PPP1R9A: variants seen among roughly 807,000 people sequenced by gnomAD.
PPP1R9A encodes neurabin-1.
A neutral mutation model predicts 141.9 loss-of-function variants in PPP1R9A; 59 were observed. The ratio of observed to expected loss-of-function variants is 0.42; its 90% CI spans 0.34 to 0.52. The LOEUF (loss-of-function observed/expected upper bound fraction) is 0.52, where lower values mean the gene tolerates loss of function less well. PPP1R9A is among the 20% of genes least tolerant of loss of function. The pLI, the probability that PPP1R9A is intolerant of heterozygous loss-of-function variation, is 0.10. For missense variants in PPP1R9A, 1,444 were observed against 1,611.9 expected (o/e 0.90, Z 1.78); for synonymous variants, 500 against 569.7 (o/e 0.88, Z 1.74).
At chr7:95,020,866 G>A (rs1382022468) in intron 2 of PPP1R9A, among the ~76,000 whole-genome samples, 2 of 152,130 alleles carry the variant, frequency 1.3e-5, no homozygotes, top group Non-Finnish European at 2.9e-5. Context: ...TCTTTATCCA[G>A]TCTGTCATTG....
At chr7:95,256,401 A>G (rs966265716) in intron 12 of PPP1R9A, among the ~76,000 whole-genome samples, 2 of 152,146 alleles carry the variant, frequency 1.3e-5, no homozygotes, top group African/African-American at 4.8e-5. Context: ...GAAGACAAAC[A>G]TTTAATGAAG....
intron 2 of PPP1R9A, among the ~76,000 whole-genome samples, chr7:95,035,233 A>G (rs1483150807): frequency 2.6e-5 from 4 of 152,220 alleles, no homozygotes; most frequent in Non-Finnish European, 5.9e-5. Context: ...GCTGAGCTTC[A>G]ATTAATGATT....
At chr7:95,034,843 T>A (rs1298795376) in intron 2 of PPP1R9A, among the ~76,000 whole-genome samples, 1 of 152,214 alleles carries the variant, frequency 6.6e-6, no homozygotes, top group African/African-American at 2.4e-5. Flanking sequence ...CTTGCCTATA[T>A]TTTTGTTTAA....
intron 2 of PPP1R9A, among the ~76,000 whole-genome samples, chr7:94,996,086 A>G (rs967901521): frequency 1.3e-5 from 2 of 152,174 alleles, no homozygotes; most frequent in African/African-American, 4.8e-5. Context: ...ATAAATTACA[A>G]TGTTTTCCAG....
intron 4 of PPP1R9A, among the ~76,000 whole-genome samples, chr7:95,122,771 C>T (rs984264971): frequency 6.6e-6 from 1 of 152,078 alleles, no homozygotes; most frequent in Non-Finnish European, 1.5e-5. Flanking sequence ...AGGAAATAAC[C>T]TCTTTGCCCC....
chr7:95,210,053 C>G (rs1791742518), intron 7 of PPP1R9A, among the ~76,000 whole-genome samples: 1 of 152,120 alleles, frequency 6.6e-6, no homozygotes, highest in African/African-American at 2.4e-5. Flanking sequence ...GGTCTGTCGA[C>G]CGTTTAGTTC....
At chr7:94,946,382 C>T (rs768336428) in intron 2 of PPP1R9A, among the ~76,000 whole-genome samples, 28 of 152,160 alleles carry the variant, frequency 1.8e-4, no homozygotes, top group Non-Finnish European at 3.5e-4. Flanking sequence ...TGGACAATCT[C>T]TACTTTGTTA....
chr7:95,181,128 G>A (rs1164695517), intron 5 of PPP1R9A, among the ~76,000 whole-genome samples: 1 of 148,856 alleles, frequency 6.7e-6, no homozygotes, highest in East Asian at 2.0e-4. Context: ...CAACGCAAAT[G>A]CCCATCAATC....
chr7:95,188,568 TTG>T lies in PPP1R9A; in HGVS notation c.1755-9765_1755-9764del, dbSNP rs995808656. Among the ~76,000 whole-genome samples, 418 of 150,384 alleles carry T rather than the reference TTG, an allele frequency of 2.8e-3. 2 individuals carry two copies. Among genetic ancestry groups the T allele is most frequent in the African/African-American group, 7.8e-3 (320 of 41,146 alleles). Reference sequence around the variant, plus strand: ...ACTTTGTTTGTTTGTTTGTTTTTGTTTGTGTGTGTGTGTGTGTCTGTGTTGTG... The same window carrying T: ...ACTTTGTTTGTTTGTTTGTTTTTGTTTGTGTGTGTGTGTGTCTGTGTTGTG... On this transcript the variant is annotated intron_variant, in intron 5 of 19. Transcript: ENST00000433360.
intron 2 of PPP1R9A, among the ~76,000 whole-genome samples, chr7:95,073,949 G>T (rs903405055): frequency 2.6e-5 from 4 of 151,912 alleles, no homozygotes; most frequent in Non-Finnish European, 5.9e-5. Context: ...TAGGCAACAT[G>T]AATTTTCATT....
rs987075645 is a variant in PPP1R9A at position 95,120,840 on chromosome 7, A to G, written c.1649+8A>G. ...TGCTCAACGGGATGGCAGGTAAATT[A>G]AGGACTGTTGTTAATAACTTAAAAT... On this transcript the variant is annotated splice_region_variant and intron_variant, in intron 4 of 19. Transcript: ENST00000433360. The G allele has an allele frequency of 1.9e-6, 3 of 1,612,500 alleles. No individual in the cohort carries two copies. The highest frequency in any genetic ancestry group is 1.7e-5 in the Admixed American group (1 of 59,746).
At chr7:94,925,190 C>T (rs986638231) in intron 2 of PPP1R9A, among the ~76,000 whole-genome samples, 6 of 152,074 alleles carry the variant, frequency 3.9e-5, no homozygotes, top group African/African-American at 1.4e-4. Flanking sequence ...GTATAAAAGC[C>T]TTTTGCTGGA....
chr7:95,182,631 G>A (rs921150592), intron 5 of PPP1R9A, among the ~76,000 whole-genome samples: 1 of 152,160 alleles, frequency 6.6e-6, no homozygotes, highest in African/African-American at 2.4e-5. Context: ...ATATGCAGTG[G>A]AGGGCAGTGA....
intron 4 of PPP1R9A, among the ~76,000 whole-genome samples, chr7:95,126,658 A>T (rs1823611894): frequency 6.6e-6 from 1 of 152,162 alleles, no homozygotes; most frequent in African/African-American, 2.4e-5. Context: ...GGATGGTCTG[A>T]TACAGAACTC....
rs188016511 is a variant in PPP1R9A at position 95,227,466 on chromosome 7, T to C, written c.2112+1350T>C. Among the ~76,000 whole-genome samples, 99 of 152,310 alleles carry C rather than the reference T, an allele frequency of 6.5e-4. 1 individual carries two copies. The highest frequency in any genetic ancestry group is 2.2e-3 in the Admixed American group (34 of 15,286). The stretch of plus-strand genomic sequence containing the variant: ...AGTTCCATAAATATTGTTTTAAGCA[T>C]GCACCATTGTGTAGAGTGATCTAGA... On this transcript the variant is annotated intron_variant, in intron 8 of 19. Transcript: ENST00000433360.
chr7:95,078,296 C>T (rs1419214463), intron 2 of PPP1R9A, among the ~76,000 whole-genome samples: 3 of 151,884 alleles, frequency 2.0e-5, no homozygotes, highest in Non-Finnish European at 2.9e-5. Flanking sequence ...CATGTCCCTA[C>T]AAAGGACATG....
At chr7:95,128,412 C>T (rs752612310) in intron 4 of PPP1R9A, among the ~76,000 whole-genome samples, 7 of 152,004 alleles carry the variant, frequency 4.6e-5, no homozygotes, top group Admixed American at 2.6e-4. Flanking sequence ...TCTGGGTATT[C>T]GACTTTTGTC....
At chr7:95,058,387 G>T (rs184469457) in intron 2 of PPP1R9A, among the ~76,000 whole-genome samples, 100 of 152,280 alleles carry the variant, frequency 6.6e-4, no homozygotes, top group South Asian at 1.2e-3. Flanking sequence ...CATCTGGGCC[G>T]AAGATGCTTT....
intron 2 of PPP1R9A, among the ~76,000 whole-genome samples, chr7:95,010,107 A>C (rs898563283): frequency 2.0e-5 from 3 of 152,172 alleles, no homozygotes; most frequent in East Asian, 1.9e-4. Context: ...TAAATTTCAT[A>C]CTGGCTGGAT....
Sources: gnomAD v4.1 joint callset for allele counts (sites outside exome capture counted in the v4.1 genomes callset) on GRCh38, gnomAD v4.1.1 for gene constraint, MANE v1.5 for transcripts, NCBI Gene and HGNC (gene_info 2026-07-23, HGNC 2026-07-21) for gene names.